Variants in PARK7 observed in about 807,000 individuals in gnomAD.
PARK7 encodes Parkinson disease protein 7.
A neutral mutation model predicts 20.5 loss-of-function variants in PARK7; 14 were observed. That is an observed-to-expected ratio of 0.68 (90% confidence interval 0.45 to 1.07). The LOEUF (loss-of-function observed/expected upper bound fraction) is 1.07, where lower values mean the gene tolerates loss of function less well. Ranked by LOEUF, PARK7 falls within the 50% of genes least tolerant of loss-of-function variation. The pLI is 0.00. For synonymous variants in PARK7, 98 were observed against 84.3 expected, an observed-to-expected ratio of 1.16 and a Z score of -0.89; for missense variants, 234 against 238.1, an observed-to-expected ratio of 0.98 and a Z score of 0.11.
intron 5 of PARK7, among the ~76,000 whole-genome samples, chr1:7,973,709 C>T (rs549102425): frequency 2.8e-4 from 42 of 148,704 alleles, no homozygotes; most frequent in Admixed American, 7.4e-4. Context: ...AGTGAAACTC[C>T]GTCTCAAAAA....
chr1:7,970,986 G>C, intron 5 of PARK7, 23 bp downstream of exon 5: 2 of 1,613,874 alleles, frequency 1.2e-6, no homozygotes, highest in Non-Finnish European at 1.7e-6. Flanking sequence ...GGCAGCCTGT[G>C]TTGCAGCGTC....
At chr1:7,972,868 G>A (rs181257597) in intron 5 of PARK7, among the ~76,000 whole-genome samples, 395 of 152,046 alleles carry the variant, frequency 2.6e-3, no homozygotes, top group Non-Finnish European at 4.5e-3. Flanking sequence ...GTGAAACCCC[G>A]TCTCTACTAA....
At chr1:7,977,598 T>G in intron 5 of PARK7, 54 bp from the exon 6 acceptor site, 1 of 1,534,298 alleles carries the variant, frequency 6.5e-7, no homozygotes, top group Non-Finnish European at 9.0e-7. Flanking sequence ...TTGCGATTTT[T>G]TAAACATGGG....
intron 5 of PARK7, 26 bp downstream of exon 5, chr1:7,970,989 G>A (rs759865533): frequency 6.2e-7 from 1 of 1,613,590 alleles, no homozygotes; most frequent in Non-Finnish European, 8.5e-7. Context: ...AGCCTGTGTT[G>A]CAGCGTCATT....
intron 3 of PARK7, among the ~76,000 whole-genome samples, chr1:7,968,375 C>T (rs1424912497): frequency 3.3e-5 from 5 of 151,076 alleles, no homozygotes; most frequent in Non-Finnish European, 7.4e-5. Context: ...AAACAATTTC[C>T]GTTTTGTAAT....
chr1:7,965,263 G>A, intron 2 of PARK7, 61 bp from the exon 3 acceptor site: 1 of 1,461,668 alleles, frequency 6.8e-7, no homozygotes, highest in Non-Finnish European at 9.6e-7. Context: ...TTTTTTTAAA[G>A]ACAGTGTTAC....
chr1:7,967,091 A>G (rs144738749), intron 3 of PARK7, among the ~76,000 whole-genome samples: 6 of 152,260 alleles, frequency 3.9e-5, no homozygotes, highest in African/African-American at 1.4e-4. Context: ...CCCAGCCTCT[A>G]GTATCCTCTG....
In PARK7 at chr1:7,984,013, G is replaced by A. The variant is rs1446433400; in HGVS notation, c.410-881G>A. ...ATAGAATGCGGTGATAGAGTCAATA[G>A]AGGTACCTAATTTGGGGAGGTGGGG... On this transcript the variant is annotated intron_variant, in intron 6 of 6. Transcript: ENST00000338639. The surrounding 1 kb of genome is among the most constrained non-coding windows in gnomAD (Gnocchi z 4.3). Among the ~76,000 whole-genome samples, 1 of 152,212 alleles carries A rather than the reference G, an allele frequency of 6.6e-6. No individual in the cohort carries two copies. The highest frequency in any genetic ancestry group is 1.5e-5 in the Non-Finnish European group (1 of 68,036).
intron 5 of PARK7, among the ~76,000 whole-genome samples, chr1:7,973,339 T>C (rs919719024): frequency 6.6e-6 from 1 of 152,252 alleles, no homozygotes; most frequent in Non-Finnish European, 1.5e-5. Context: ...TCCTTGAGTT[T>C]GGTTTTCTTT....
chr1:7,983,192 A>G (rs1025930637), intron 6 of PARK7, among the ~76,000 whole-genome samples: 1 of 152,238 alleles, frequency 6.6e-6, no homozygotes, highest in Non-Finnish European at 1.5e-5. Context: ...GGCACTGGGA[A>G]CAGAAGAAGG....
chr1:7,966,032 G>A (rs563155513), intron 3 of PARK7, among the ~76,000 whole-genome samples: 32 of 152,170 alleles, frequency 2.1e-4, no homozygotes, highest in African/African-American at 7.2e-4. Context: ...TTTCAGTATC[G>A]TTGGAATTAT....
At position 7,962,832 on chromosome 1, in the gene PARK7, A is replaced by G. The variant is rs1372795965; in HGVS notation, c.47A>G (p.Glu16Gly). 1.2e-6 allele frequency: 2 copies of G among 1,613,808 alleles called. No individual in the cohort carries two copies. The highest frequency in any genetic ancestry group is 1.7e-6 in the Non-Finnish European group (2 of 1,179,956). Residue 16 changes from glutamate (E) to glycine (G), a missense_variant, in exon 2 of 7, where the codon GAA becomes GGA. Transcript: ENST00000338639. The stretch of plus-strand genomic sequence containing the variant: ...GTCATCCTGGCTAAAGGAGCAGAGG[A>G]AATGGAGACGGTCATCCCTGTAGAT... The part of the protein sequence containing the change: ...ALVILAKGAE[E>G]METVIPVDVM...
chr1:7,975,303 G>A (rs1229476538), intron 5 of PARK7, among the ~76,000 whole-genome samples: 1 of 152,196 alleles, frequency 6.6e-6, no homozygotes, highest in Non-Finnish European at 1.5e-5. Flanking sequence ...ACTTTGAGTA[G>A]GGGAGGGGGA....
chr1:7,976,743 CAG>C (rs567400313), intron 5 of PARK7, among the ~76,000 whole-genome samples: 3 of 152,252 alleles, frequency 2.0e-5, no homozygotes, highest in East Asian at 1.9e-4. Context: ...TATTTTGAGA[CAG>C]AGTCTCGCTC....
At chr1:7,976,813 C>T (rs1056333291) in intron 5 of PARK7, among the ~76,000 whole-genome samples, 3 of 152,154 alleles carry the variant, frequency 2.0e-5, no homozygotes, top group Non-Finnish European at 2.9e-5. Context: ...CTCTGCCTCC[C>T]GGGTTCACCC....
intron 2 of PARK7, among the ~76,000 whole-genome samples, chr1:7,963,173 C>T (rs1002164533): frequency 2.0e-5 from 3 of 152,230 alleles, no homozygotes; most frequent in East Asian, 3.9e-4. Context: ...AAACCATCTT[C>T]CCACCTCAGC....
intron 6 of PARK7, among the ~76,000 whole-genome samples, chr1:7,979,675 A>T (rs1640669692): frequency 6.6e-6 from 1 of 151,930 alleles, no homozygotes; most frequent in South Asian, 2.1e-4. Context: ...TAATTTTTAA[A>T]TTTTTTTGTA....
intron 2 of PARK7, 73 bp from the exon 3 acceptor site, chr1:7,965,251 T>C: frequency 7.8e-7 from 1 of 1,288,264 alleles, no homozygotes; most frequent in Non-Finnish European, 1.1e-6. Context: ...CTCTTTTTTC[T>C]TTTTTTTTAA....
At chr1:7,965,219 G>A (rs1226116852) in intron 2 of PARK7, 105 bp from the exon 3 acceptor site, 2 of 1,020,232 alleles carry the variant, frequency 2.0e-6, no homozygotes, top group East Asian at 5.0e-5. Context: ...TCTAGCCCAG[G>A]TGACAGGGTG....
Sources: allele counts gnomAD v4.1 joint callset (sites outside exome capture counted in the v4.1 genomes callset), GRCh38; gene constraint gnomAD v4.1.1; non-coding constraint Gnocchi (gnomAD v3.1); transcripts MANE v1.5; gene names NCBI Gene and HGNC (gene_info 2026-07-23, HGNC 2026-07-21).